The following ACOX3 variants were observed in gnomAD, a reference collection of about 807,000 sequenced individuals.
ACOX3 encodes peroxisomal acyl-coenzyme A oxidase 3.
In ACOX3, 73 loss-of-function variants were observed where a neutral mutation model predicts 81.5. The observed-to-expected ratio is 0.90, with a 90% CI of 0.74 to 1.09. ACOX3 has a LOEUF of 1.09. Among genes scored for constraint, ACOX3 ranks in the 50% least tolerant of loss-of-function variants. The pLI is 0.00. For missense variants in ACOX3, 947 were observed against 928.0 expected, an observed-to-expected ratio of 1.02 and a Z score of -0.27; for synonymous variants, 387 against 375.1, an observed-to-expected ratio of 1.03 and a Z score of -0.37.
intron 1 of ACOX3, among the ~76,000 whole-genome samples, chr4:8,435,962 G>T (rs1238216685): frequency 6.6e-6 from 1 of 152,124 alleles, no homozygotes; most frequent in African/African-American, 2.4e-5. Context: ...GCCAAGGAAG[G>T]AAGTCAAGAT....
intron 16 of ACOX3, among the ~76,000 whole-genome samples, chr4:8,372,941 C>T (rs911816452): frequency 6.6e-6 from 1 of 152,230 alleles, no homozygotes; most frequent in African/African-American, 2.4e-5. Flanking sequence ...CTCACTCACA[C>T]AGCCGCCTTC....
rs1715691500 is a variant in ACOX3, at chr4:8,368,048, C to A, written c.1984-968G>T. 6.6e-6 allele frequency among the ~76,000 whole-genome samples: 1 copy of A among 152,064 alleles called. No individual in the cohort carries two copies. The highest frequency in any genetic ancestry group is 2.1e-4 in the South Asian group (1 of 4,824). On this transcript the variant is annotated intron_variant, in intron 17 of 17. Transcript: ENST00000356406. The surrounding 1 kb of genome is among the most constrained non-coding windows in gnomAD (Gnocchi z 5.9). ...TGGACACGCTGTTTCTTAGTAACTG[C>A]AGCCACCGCAGGATGCTGCAAGGCT...
chr4:8,414,393 A>G lies in ACOX3; in HGVS notation c.454-12T>C, dbSNP rs1722104901. ...AAACATCCAAAAATCTAAATGTCAA[A>G]GCACAAAATGATGGAAAGCAAGAAA... On this transcript the variant is annotated splice_polypyrimidine_tract_variant and intron_variant, in intron 4 of 17. Transcript: ENST00000356406. The surrounding 1 kb of genome is among the most constrained non-coding windows in gnomAD (Gnocchi z 6.1). 6.2e-7 allele frequency: 1 copy of G among 1,611,640 alleles called. No individual in the cohort carries two copies. The highest frequency in any genetic ancestry group is 8.5e-7 in the Non-Finnish European group (1 of 1,177,702).
chr4:8,393,275 CAG>C (rs1192486905), intron 10 of ACOX3, among the ~76,000 whole-genome samples: 2 of 150,168 alleles, frequency 1.3e-5, no homozygotes, highest in Non-Finnish European at 1.5e-5. Flanking sequence ...CAGTTGAGCT[CAG>C]GAGTCTGAGA....
chr4:8,434,828 C>G (rs1724135628), intron 1 of ACOX3, among the ~76,000 whole-genome samples: 1 of 152,192 alleles, frequency 6.6e-6, no homozygotes, highest in South Asian at 2.1e-4. Context: ...CCTTTATTGG[C>G]ACTTTGGCTT....
Position 8,415,906 on chromosome 4 carries a change from G to A in ACOX3, c.238C>T (p.Leu80Phe). 6.2e-7 allele frequency: 1 copy of A among 1,614,234 alleles called. No homozygotes were observed. The highest frequency in any genetic ancestry group is 8.5e-7 in the Non-Finnish European group (1 of 1,180,040). The change falls in exon 3 of 18, where the codon CTT becomes TTT. Residue 80 changes from leucine to phenylalanine, a missense_variant. Transcript: ENST00000356406. ...SLEKYRELNF[L>F]RCKRIFEYDF... ...TACTCGAAGATCCGCTTGCATCGAA[G>A]GAAGTTCAGCTCGCGATACTTCTCC...
At chr4:8,411,828 A>G (rs1335505069) in intron 5 of ACOX3, among the ~76,000 whole-genome samples, 1 of 152,156 alleles carries the variant, frequency 6.6e-6, no homozygotes, top group African/African-American at 2.4e-5. Flanking sequence ...TGTGCTCGCC[A>G]CTTCCAGCCC....
the ACOX3 span, chr4:8,356,971 C>T: frequency 1.1e-5 from 5 of 453,294 alleles, no homozygotes; most frequent in Non-Finnish European, 1.8e-5. Flanking sequence ...ATGGTGCATG[C>T]TAAGATGACC....
At chr4:8,355,905 T>C in the ACOX3 span, 1 of 160,636 alleles carries the variant, frequency 6.2e-6, no homozygotes, top group African/African-American at 2.4e-5. Context: ...AGAACATATA[T>C]GAACAGACTT....
intron 5 of ACOX3, among the ~76,000 whole-genome samples, chr4:8,410,702 CG>C (rs1270034203): frequency 6.6e-6 from 1 of 152,128 alleles, no homozygotes; most frequent in Non-Finnish European, 1.5e-5. Context: ...GCACTGTGGG[CG>C]GGGCTGTCTG....
intron 1 of ACOX3, among the ~76,000 whole-genome samples, chr4:8,434,324 C>T (rs1413808304): frequency 6.6e-6 from 1 of 152,232 alleles, no homozygotes. Flanking sequence ...GCCGAATAAA[C>T]CTCTTTCTTC....
chr4:8,389,273 G>A lies in ACOX3; in HGVS notation c.1437C>T (p.Phe479=). 1 of 1,612,940 alleles carries A rather than the reference G, an allele frequency of 6.2e-7. No homozygotes were observed. Among genetic ancestry groups the A allele is most frequent in the Non-Finnish European group, 8.5e-7 (1 of 1,179,542 alleles). Reference sequence around the variant, plus strand: ...AGTCCACTGACTTCAGCGGACTGCGGAAGCAAGCTCCATCTAGGACACACA... The same window carrying A: ...AGTCCACTGACTTCAGCGGACTGCGAAAGCAAGCTCCATCTAGGACACACA... The part of the protein sequence containing the change: ...LAHQVHDGAC[F]RSPLKSVDFL... Residue 479 remains phenylalanine, a synonymous_variant, in exon 13 of 18, where the codon TTC becomes TTT. Coordinates refer to ENST00000356406, the MANE Select transcript of ACOX3 (RefSeq NM_003501.3). This position sits in a 1 kb window ranked among gnomAD's most constrained non-coding sequence, Gnocchi z 5.3.
rs1717599300 is a variant in ACOX3, at chr4:8,381,199, G to A, written c.1653+293C>T. Among the ~76,000 whole-genome samples, 1 of 152,212 alleles carries A rather than the reference G, an allele frequency of 6.6e-6. No homozygotes were observed. The highest frequency in any genetic ancestry group is 2.4e-5 in the African/African-American group (1 of 41,466). ...CGCAATGGTGTCTCCGCCACTCTGTGCATCCAAGGCTCTCACAACCCAGAG... is the reference window on the plus strand; with the variant it reads ...CGCAATGGTGTCTCCGCCACTCTGTACATCCAAGGCTCTCACAACCCAGAG... On this transcript the variant is annotated intron_variant, in intron 14 of 17. Transcript: ENST00000356406. This position sits in a 1 kb window ranked among gnomAD's most constrained non-coding sequence, Gnocchi z 4.3.
Position 8,405,949 on chromosome 4 carries a change from A to G in ACOX3, c.776+6T>C. 1 of 1,613,608 alleles carries G rather than the reference A, an allele frequency of 6.2e-7. No individual in the cohort carries two copies. Among genetic ancestry groups the G allele is most frequent in the Non-Finnish European group, 8.5e-7 (1 of 1,179,608 alleles). ...AGCTCAGGGCTCAGCAGCCTCTGTC[A>G]CTCACCCATTATCCAGACCGTTCTG... On this transcript the variant is annotated splice_donor_region_variant and intron_variant, in intron 7 of 17. Transcript: ENST00000356406. This position sits in a 1 kb window ranked among gnomAD's most constrained non-coding sequence, Gnocchi z 7.1.
chr4:8,366,781 C>T lies in ACOX3; in HGVS notation c.*180G>A, dbSNP rs75536868. ...CACCGCGATCCCAGATTAGTCCAGC[C>T]GGCCGGGTGCCTCCCTCCCGTCCGC... On this transcript the variant is annotated 3_prime_UTR_variant, in exon 18 of 18. Transcript: ENST00000356406. 4.2e-3 allele frequency: 2,967 copies of T among 712,754 alleles called. 40 individuals carry two copies. The highest frequency in any genetic ancestry group is 0.036 in the African/African-American group (2,021 of 56,092). 44.2% of individuals were successfully genotyped at this position (712,754 alleles called of 1,614,324 possible). A position where few individuals can be genotyped will look rare whatever the true frequency, so the allele number is the denominator to read the frequency against.
At chr4:8,387,950 A>G (rs1178269778) in intron 13 of ACOX3, among the ~76,000 whole-genome samples, 1 of 152,234 alleles carries the variant, frequency 6.6e-6, no homozygotes, top group Non-Finnish European at 1.5e-5. Flanking sequence ...GAGCAGCCAG[A>G]GTGGCCTTTT....
intron 1 of ACOX3, among the ~76,000 whole-genome samples, chr4:8,440,091 TTC>T (rs1404530712): frequency 1.3e-5 from 2 of 152,348 alleles, no homozygotes; most frequent in African/African-American, 4.8e-5. Flanking sequence ...TTGCAAAACT[TTC>T]TGTTCTGTTA....
intron 8 of ACOX3, among the ~76,000 whole-genome samples, chr4:8,398,000 A>G (rs1719914111): frequency 6.6e-6 from 1 of 152,188 alleles, no homozygotes. Context: ...GTCTCTACTA[A>G]AAGTACGCAA....
intron 6 of ACOX3, among the ~76,000 whole-genome samples, 194 bp downstream of exon 6, chr4:8,410,018 T>C (rs1560194618): frequency 6.6e-6 from 1 of 150,712 alleles, no homozygotes; most frequent in Non-Finnish European, 1.5e-5. Flanking sequence ...GGCTGTGGAA[T>C]GCACTGTGGG....
Sources: allele counts gnomAD v4.1 joint callset (sites outside exome capture counted in the v4.1 genomes callset), GRCh38; gene constraint gnomAD v4.1.1; non-coding constraint Gnocchi (gnomAD v3.1); transcripts MANE v1.5; gene names NCBI Gene and HGNC (gene_info 2026-07-23, HGNC 2026-07-21).